Variants in TPTE2 observed in about 807,000 individuals in gnomAD.
TPTE2 encodes the protein transmembrane phosphoinositide 3-phosphatase and tensin homolog 2.
Under a neutral mutation model 78.6 loss-of-function variants are expected in TPTE2, and 53 were observed. The observed-to-expected ratio is 0.67, with a 90% CI of 0.54 to 0.85. The LOEUF (loss-of-function observed/expected upper bound fraction) is 0.85. Ranked by LOEUF, TPTE2 falls within the 40% of genes least tolerant of loss-of-function variation. The probability of loss-of-function intolerance (pLI) is 0.00; values close to 1 mark genes in which losing one functional copy is unlikely to be tolerated. For missense variants in TPTE2, 461 were observed against 623.0 expected (o/e 0.74, Z 2.77); for synonymous variants, 175 against 206.2 (o/e 0.85, Z 1.30).
chr13:19,438,809 T>A (rs975828677), intron 13 of TPTE2, among the ~76,000 whole-genome samples: 35 of 152,278 alleles, frequency 2.3e-4, no homozygotes, highest in Middle Eastern at 3.4e-3. Flanking sequence ...ATGAAGGACA[T>A]CCCAGATCCT....
chr13:19,430,900 G>C (rs1453272917), intron 16 of TPTE2, among the ~76,000 whole-genome samples: 1 of 152,144 alleles, frequency 6.6e-6, no homozygotes, highest in Non-Finnish European at 1.5e-5. Context: ...GGCGAGGTGG[G>C]TGGATTACTT....
chr13:19,464,960 G>GTGGGATCC (rs1879169814), intron 9 of TPTE2, among the ~76,000 whole-genome samples: 1 of 152,186 alleles, frequency 6.6e-6, no homozygotes, highest in Non-Finnish European at 1.5e-5. Context: ...AGAGGTCTCT[G>GTGGGATCC]TGGGATCCTT....
At chr13:19,471,857 G>T (rs1413370166) in intron 6 of TPTE2, among the ~76,000 whole-genome samples, 1 of 152,100 alleles carries the variant, frequency 6.6e-6, no homozygotes, top group Non-Finnish European at 1.5e-5. Context: ...TCTAGGACAG[G>T]TCTGGTGTTG....
chr13:19,490,614 C>T (rs1880935804), intron 3 of TPTE2, among the ~76,000 whole-genome samples: 1 of 152,194 alleles, frequency 6.6e-6, no homozygotes, highest in Non-Finnish European at 1.5e-5. Flanking sequence ...TTGTAATTTT[C>T]TGCCTTCTCA....
chr13:19,539,046 T>G (rs1176633291), upstream of TPTE2, among the ~76,000 whole-genome samples: 2 of 152,138 alleles, frequency 1.3e-5, no homozygotes, highest in African/African-American at 4.8e-5. Context: ...CTATGCTAGA[T>G]TCTCCCTCTT....
In TPTE2 at chr13:19,520,486, G is replaced by T. The variant is rs549386486; in HGVS notation, c.-44+16110C>A. On this transcript the variant is annotated intron_variant, in intron 1 of 17. Transcript: ENST00000390680. ...TACCTAAGTTATTTACCACATTTTTGAGTTCTTTTCTTTTTTTTCTTGATC... is the reference window on the plus strand; with the variant it reads ...TACCTAAGTTATTTACCACATTTTTTAGTTCTTTTCTTTTTTTTCTTGATC... Among the ~76,000 whole-genome samples, 10 of 151,656 alleles carry T rather than the reference G, an allele frequency of 6.6e-5. No individual in the cohort carries two copies. The South Asian group carries it at 1.7e-3, about 25-fold the overall frequency.
the TPTE2 span, among the ~76,000 whole-genome samples, chr13:19,558,226 G>A: frequency 4.1e-4 from 63 of 152,270 alleles, 1 homozygote; most frequent in African/African-American, 1.4e-3. Flanking sequence ...AGCTTTTGTA[G>A]TATTAAATAA....
chr13:19,457,399 G>A (rs952539541), intron 10 of TPTE2, among the ~76,000 whole-genome samples: 2 of 152,182 alleles, frequency 1.3e-5, no homozygotes, highest in Non-Finnish European at 2.9e-5. Flanking sequence ...TGGTACATGT[G>A]GAGGATGTGC....
At chr13:19,550,140 C>T in the TPTE2 span, among the ~76,000 whole-genome samples, 1 of 149,212 alleles carries the variant, frequency 6.7e-6, no homozygotes, top group African/African-American at 2.5e-5. Flanking sequence ...ACATGTACCC[C>T]TGAACCTAAA....
intron 13 of TPTE2, among the ~76,000 whole-genome samples, chr13:19,440,806 G>C (rs1457720975): frequency 6.6e-6 from 1 of 151,816 alleles, no homozygotes; most frequent in Non-Finnish European, 1.5e-5. Context: ...CAAAAAACAG[G>C]CTGGGCACGG....
At chr13:19,442,522 A>G (rs1877565107) in intron 13 of TPTE2, among the ~76,000 whole-genome samples, 2 of 152,244 alleles carry the variant, frequency 1.3e-5, no homozygotes, top group South Asian at 2.1e-4. Flanking sequence ...CAGGAAAAGA[A>G]CAAATTAACC....
chr13:19,559,917 G>A, the TPTE2 span: 1 of 297,640 alleles, frequency 3.4e-6, no homozygotes, highest in Non-Finnish European at 5.9e-6. Flanking sequence ...CCAGCAGGCT[G>A]TGGCACTGCC....
chr13:19,551,598 C>CA, the TPTE2 span, among the ~76,000 whole-genome samples: 99,025 of 151,858 alleles, frequency 0.65, 34,800 homozygotes, highest in East Asian at 0.88. Flanking sequence ...AAAACAAAAA[C>CA]AAAATATGAA....
At chr13:19,497,940 C>T (rs1380452185) in intron 1 of TPTE2, among the ~76,000 whole-genome samples, 1 of 151,544 alleles carries the variant, frequency 6.6e-6, no homozygotes, top group Non-Finnish European at 1.5e-5. Context: ...ATAACCAATA[C>T]AGAGAAGTGC....
intron 19 of TPTE2, among the ~76,000 whole-genome samples, chr13:19,424,744 A>T (rs778833043): frequency 2.6e-5 from 4 of 152,234 alleles, no homozygotes; most frequent in African/African-American, 7.2e-5. Context: ...GACCCTGAGG[A>T]TACTGCAACA....
the TPTE2 span, among the ~76,000 whole-genome samples, chr13:19,542,164 A>G: frequency 6.6e-6 from 1 of 151,922 alleles, no homozygotes; most frequent in Non-Finnish European, 1.5e-5. Context: ...CATTTTAAAT[A>G]TTTTTTTTAG....
At chr13:19,435,753 A>G (rs1164069551) in intron 15 of TPTE2, among the ~76,000 whole-genome samples, 1 of 88,254 alleles carries the variant, frequency 1.1e-5, no homozygotes, top group African/African-American at 5.2e-5. Flanking sequence ...ACACACAGAA[A>G]AGACACACAC....
Position 19,489,593 on chromosome 13 carries a change from G to C in TPTE2, c.119+3257C>G, listed in dbSNP as rs561853670. On this transcript the variant is annotated intron_variant, in intron 3 of 19. Transcript: ENST00000400230. ...ATCTATACATAGATATGTATATATAGATATATATATACACACATTTAAATA... is the reference window on the plus strand; with the variant it reads ...ATCTATACATAGATATGTATATATACATATATATATACACACATTTAAATA... 5.4e-5 allele frequency among the ~76,000 whole-genome samples: 8 copies of C among 148,718 alleles called. No individual in the cohort carries two copies. The East Asian group carries it at 9.9e-4, about 18-fold the overall frequency.
chr13:19,448,487 T>C (rs1323240599), intron 13 of TPTE2, among the ~76,000 whole-genome samples: 1 of 152,180 alleles, frequency 6.6e-6, no homozygotes, highest in African/African-American at 2.4e-5. Flanking sequence ...CAAGAGAACA[T>C]GTTACTTCTC....
Sources: gnomAD v4.1 joint callset for allele counts (sites outside exome capture counted in the v4.1 genomes callset) on GRCh38, gnomAD v4.1.1 for gene constraint, MANE v1.5 for transcripts, NCBI Gene and HGNC (gene_info 2026-07-23, HGNC 2026-07-21) for gene names.